The following ZC3H12B variants were observed in gnomAD, a reference collection of about 807,000 sequenced individuals.
ZC3H12B encodes the protein zinc finger CCCH-type containing 12B.
ZC3H12B carries 7 observed loss-of-function variants against 43.9 expected under a neutral mutation model. The observed-to-expected ratio is 0.16, with a 90% CI of 0.09 to 0.30. ZC3H12B has a LOEUF of 0.30. ZC3H12B is among the 10% of genes least tolerant of loss of function. ZC3H12B has a pLI of 1.00. For missense variants in ZC3H12B, 475 were observed against 670.2 expected, an observed-to-expected ratio of 0.71 and a Z score of 3.22; for synonymous variants, 222 against 241.7, an observed-to-expected ratio of 0.92 and a Z score of 0.76.
chrX:65,329,683 G>A, the ZC3H12B span, among the ~76,000 whole-genome samples: 96 of 110,985 alleles, frequency 8.6e-4, no homozygotes, highest in Non-Finnish European at 1.7e-3. Context: ...ATGGTTTAAG[G>A]TCTAACATTT....
the ZC3H12B span, among the ~76,000 whole-genome samples, chrX:65,132,184 G>C: frequency 5.4e-5 from 6 of 111,652 alleles, no homozygotes; most frequent in Non-Finnish European, 9.4e-5. Context: ...GAGGACAAAA[G>C]AGTGTACGGG....
At chrX:65,230,249 A>G in the ZC3H12B span, among the ~76,000 whole-genome samples, 1 of 110,892 alleles carries the variant, frequency 9.0e-6, no homozygotes, top group East Asian at 2.8e-4. Context: ...CATGGATGAA[A>G]TTGGAAATCA....
chrX:65,150,284 T>G, the ZC3H12B span, among the ~76,000 whole-genome samples: 67 of 111,440 alleles, frequency 6.0e-4, no homozygotes, highest in Admixed American at 3.6e-3. Flanking sequence ...TTGCTAGAAA[T>G]AAATATTTTT....
At chrX:65,038,241 C>G in the ZC3H12B span, among the ~76,000 whole-genome samples, 36 of 111,328 alleles carry the variant, frequency 3.2e-4, no homozygotes, top group Non-Finnish European at 5.1e-4. Context: ...CTTTATACAC[C>G]TTCTGTACCT....
chrX:65,181,646 A>T, the ZC3H12B span, among the ~76,000 whole-genome samples: 1 of 112,579 alleles, frequency 8.9e-6, no homozygotes, highest in African/African-American at 3.2e-5. Flanking sequence ...CAAACATATG[A>T]AAAAAAGCTC....
the ZC3H12B span, among the ~76,000 whole-genome samples, chrX:65,071,864 C>T: frequency 1.8e-5 from 2 of 111,608 alleles, no homozygotes; most frequent in Admixed American, 9.5e-5. Flanking sequence ...CCTGACCTTT[C>T]TCTCTAGCTG....
At chrX:65,077,153 G>A in the ZC3H12B span, among the ~76,000 whole-genome samples, 3 of 111,502 alleles carry the variant, frequency 2.7e-5, no homozygotes, top group African/African-American at 9.8e-5. Context: ...GATGTGTTTT[G>A]TCTTTCTGAT....
At chrX:65,081,699 C>T in the ZC3H12B span, among the ~76,000 whole-genome samples, 2 of 111,294 alleles carry the variant, frequency 1.8e-5, no homozygotes, top group East Asian at 2.8e-4. Flanking sequence ...ACTTCAACAC[C>T]CCACTTCCAG....
chrX:65,284,046 G>T, the ZC3H12B span, among the ~76,000 whole-genome samples: 4 of 110,696 alleles, frequency 3.6e-5, no homozygotes, highest in African/African-American at 9.9e-5. Flanking sequence ...GAGTGAGGGG[G>T]ATGTGCACTT....
At chrX:65,086,504 T>C in the ZC3H12B span, among the ~76,000 whole-genome samples, 1 of 111,693 alleles carries the variant, frequency 9.0e-6, no homozygotes, top group East Asian at 2.8e-4. Flanking sequence ...CCGAAATCCA[T>C]ATGTTGAAAC....
intron 3 of ZC3H12B, among the ~76,000 whole-genome samples, chrX:65,399,650 T>G (rs1482987758): frequency 4.5e-5 from 5 of 111,987 alleles, no homozygotes; most frequent in Non-Finnish European, 9.4e-5. Context: ...AAAATAGAAC[T>G]ACCATATGTT....
chrX:65,123,981 T>C, the ZC3H12B span, among the ~76,000 whole-genome samples: 3 of 111,123 alleles, frequency 2.7e-5, no homozygotes, highest in African/African-American at 9.8e-5. Context: ...ATACCCTTTA[T>C]TTCTTTCTCT....
At chrX:65,457,826 G>A (rs2067652676) in intron 3 of ZC3H12B, among the ~76,000 whole-genome samples, 1 of 63,196 alleles carries the variant, frequency 1.6e-5, no homozygotes, top group African/African-American at 9.4e-5. Flanking sequence ...TGGATTAAGG[G>A]CGGTGCAAGA....
the ZC3H12B span, among the ~76,000 whole-genome samples, chrX:65,148,972 T>C: frequency 9.0e-6 from 1 of 111,618 alleles, no homozygotes; most frequent in Non-Finnish European, 1.9e-5. Context: ...TCTCCTTTTA[T>C]GTTTCCACAA....
At chrX:65,070,411 GT>G in the ZC3H12B span, among the ~76,000 whole-genome samples, 1 of 109,983 alleles carries the variant, frequency 9.1e-6, no homozygotes, top group Non-Finnish European at 1.9e-5. Flanking sequence ...TATGTTTTTT[GT>G]TTTTTTGTAT....
At chrX:65,431,084 C>A (rs780958745) in intron 3 of ZC3H12B, among the ~76,000 whole-genome samples, 1 of 112,431 alleles carries the variant, frequency 8.9e-6, no homozygotes, top group African/African-American at 3.2e-5. Context: ...GTAAGACATG[C>A]ACAGTGAAAA....
At chrX:65,489,002 G>T (rs766619283) in exon 1 of ZC3H12B, 1 of 1,211,371 alleles carries the variant, frequency 8.3e-7, no homozygotes, top group Admixed American at 2.2e-5. Flanking sequence ...ATGGTCAGTT[G>T]AAGAAAAAGG....
the ZC3H12B span, among the ~76,000 whole-genome samples, chrX:65,250,262 G>T: frequency 2.7e-5 from 3 of 111,558 alleles, no homozygotes; most frequent in Non-Finnish European, 5.6e-5. Context: ...CAAAGGAAAT[G>T]AACTCATCCT....
At chrX:65,489,200 C>T (rs2068170458) in exon 1 of ZC3H12B, 1 of 1,209,688 alleles carries the variant, frequency 8.3e-7, no homozygotes, top group South Asian at 1.8e-5. Flanking sequence ...ACAAGCTGGG[C>T]CCAGAATCAC....
Sources: allele counts gnomAD v4.1 joint callset (sites outside exome capture counted in the v4.1 genomes callset), GRCh38; gene constraint gnomAD v4.1.1; transcripts MANE v1.5; gene names NCBI Gene and HGNC (gene_info 2026-07-23, HGNC 2026-07-21).